The following GRID1 variants were observed in gnomAD, a reference collection of about 807,000 sequenced individuals.
The protein encoded by GRID1 is glutamate ionotropic receptor delta type subunit 1.
Under a neutral mutation model 98.0 loss-of-function variants are expected in GRID1, and 28 were observed. That is an observed-to-expected ratio of 0.29 (90% confidence interval 0.21 to 0.39). The LOEUF is 0.39. Among genes scored for constraint, GRID1 ranks in the 10% least tolerant of loss-of-function variants. The pLI is 1.00. For synonymous variants in GRID1, 553 were observed against 538.5 expected, an observed-to-expected ratio of 1.03 and a Z score of -0.37; for missense variants, 1,111 against 1,340.5, an observed-to-expected ratio of 0.83 and a Z score of 2.67.
intron 4 of GRID1, among the ~76,000 whole-genome samples, chr10:86,057,087 G>A (rs564968184): frequency 5.9e-5 from 9 of 152,284 alleles, no homozygotes; most frequent in South Asian, 2.1e-4. Context: ...CCTGGCCCTC[G>A]AGAACCCTCC....
chr10:86,283,059 C>G (rs1847378293), intron 2 of GRID1, among the ~76,000 whole-genome samples: 1 of 152,184 alleles, frequency 6.6e-6, no homozygotes, highest in African/African-American at 2.4e-5. Context: ...CTCTAAGACA[C>G]CAGCCCCCTA....
chr10:85,821,896 A>G (rs966898637), intron 8 of GRID1, among the ~76,000 whole-genome samples: 3 of 152,180 alleles, frequency 2.0e-5, no homozygotes, highest in Non-Finnish European at 2.9e-5. Flanking sequence ...ATCTACAACC[A>G]TCTGATCTTT....
intron 5 of GRID1, among the ~76,000 whole-genome samples, chr10:85,904,595 T>A (rs1187364790): frequency 2.0e-5 from 3 of 152,096 alleles, no homozygotes; most frequent in Admixed American, 1.3e-4. Flanking sequence ...AATTAGCAGA[T>A]AATTACCCTA....
intron 6 of GRID1, among the ~76,000 whole-genome samples, chr10:85,858,573 C>G (rs1345158619): frequency 6.6e-6 from 1 of 152,220 alleles, no homozygotes; most frequent in African/African-American, 2.4e-5. Context: ...CTCTGGAAAA[C>G]AAACCCATGA....
chr10:85,771,864 A>T (rs1229351659), intron 8 of GRID1, among the ~76,000 whole-genome samples: 3 of 152,214 alleles, frequency 2.0e-5, no homozygotes, highest in African/African-American at 7.2e-5. Flanking sequence ...CTCCCACACA[A>T]TAACAGTGGG....
intron 3 of GRID1, among the ~76,000 whole-genome samples, chr10:86,198,881 G>C (rs1845911350): frequency 6.6e-6 from 1 of 151,930 alleles, no homozygotes; most frequent in Non-Finnish European, 1.5e-5. Context: ...ATGGTTTGTT[G>C]TGATCATATA....
intron 4 of GRID1, among the ~76,000 whole-genome samples, chr10:85,937,252 C>A (rs920090408): frequency 9.9e-5 from 15 of 152,194 alleles, no homozygotes; most frequent in African/African-American, 3.4e-4. Flanking sequence ...ATAAAGATGG[C>A]CTGTGCAACA....
intron 8 of GRID1, among the ~76,000 whole-genome samples, chr10:85,756,671 G>T (rs1448272252): frequency 2.0e-5 from 3 of 152,114 alleles, no homozygotes; most frequent in African/African-American, 7.2e-5. Context: ...TTTATTTCTG[G>T]AATTTACCAT....
At chr10:85,945,985 T>G in intron 4 of GRID1, among the ~76,000 whole-genome samples, 1 of 152,220 alleles carries the variant, frequency 6.6e-6, no homozygotes, top group East Asian at 1.9e-4. Flanking sequence ...TGTTAAAACA[T>G]TGAAGGGACA....
chr10:85,930,893 G>A lies in GRID1; in HGVS notation c.727-14654C>T, dbSNP rs75918359. Among the ~76,000 whole-genome samples, 624 of 152,154 alleles carry A rather than the reference G, an allele frequency of 4.1e-3. 4 individuals carry two copies. The highest frequency in any genetic ancestry group is 0.013 in the African/African-American group (554 of 41,502). On this transcript the variant is annotated intron_variant, in intron 4 of 15. Transcript: ENST00000327946. The stretch of plus-strand genomic sequence containing the variant: ...GTCTCACTCTGTCATCCAGACTGGA[G>A]TGCAGTGGTGCGATCATGACTCACT...
At chr10:85,747,324 G>C (rs1331025399) in intron 8 of GRID1, among the ~76,000 whole-genome samples, 1 of 152,134 alleles carries the variant, frequency 6.6e-6, no homozygotes, top group African/African-American at 2.4e-5. Flanking sequence ...GAATAAAAGA[G>C]AAAAATGTTC....
At chr10:86,319,602 T>C (rs940210481) in intron 2 of GRID1, among the ~76,000 whole-genome samples, 9 of 150,410 alleles carry the variant, frequency 6.0e-5, no homozygotes, top group Admixed American at 6.0e-4. Context: ...AAAGCACCCA[T>C]CCCACCATGG....
chr10:85,726,929 G>A (rs1467966070), intron 10 of GRID1, among the ~76,000 whole-genome samples: 2 of 152,200 alleles, frequency 1.3e-5, no homozygotes, highest in African/African-American at 4.8e-5. Context: ...ATTTATCACA[G>A]TAAAGGTGTT....
intron 2 of GRID1, among the ~76,000 whole-genome samples, chr10:86,228,090 G>T (rs770486183): frequency 6.6e-6 from 1 of 151,700 alleles, no homozygotes; most frequent in African/African-American, 2.4e-5. Flanking sequence ...GGATGGATGT[G>T]AGGTGAGTGG....
intron 15 of GRID1, among the ~76,000 whole-genome samples, chr10:85,610,171 T>C (rs1842717057): frequency 6.6e-6 from 1 of 152,224 alleles, no homozygotes; most frequent in Non-Finnish European, 1.5e-5. Context: ...TTGCAAATGC[T>C]GCCCCATAAA....
chr10:85,688,842 T>C (rs1394270317), intron 12 of GRID1, among the ~76,000 whole-genome samples: 1 of 152,196 alleles, frequency 6.6e-6, no homozygotes, highest in East Asian at 1.9e-4. Context: ...CTTCAGCATT[T>C]GGTGGTAATT....
intron 8 of GRID1, among the ~76,000 whole-genome samples, chr10:85,801,078 ATAAT>A (rs1187978626): frequency 7.9e-5 from 12 of 152,098 alleles, no homozygotes; most frequent in African/African-American, 1.9e-4. Context: ...AAAAAGTGAC[ATAAT>A]TAACAACAGA....
chr10:85,998,423 T>C lies in GRID1; in HGVS notation c.727-82184A>G, dbSNP rs115348617. Among the ~76,000 whole-genome samples, 1,332 of 151,998 alleles carry C rather than the reference T, an allele frequency of 8.8e-3. 24 individuals are homozygous for C. Among genetic ancestry groups the C allele is most frequent in the African/African-American group, 0.03 (1,246 of 41,446 alleles). ...AAAAGTCTAAAGAAAAATTAGAAAA[T>C]ATTTTGAATTACATAAAGATGGAAA... is the stretch of plus-strand genomic sequence containing the variant. On this transcript the variant is annotated intron_variant, in intron 4 of 15. Coordinates refer to ENST00000327946, the MANE Select transcript of GRID1 (RefSeq NM_017551.3).
At chr10:86,282,634 G>GT (rs1372743992) in intron 2 of GRID1, among the ~76,000 whole-genome samples, 4 of 152,150 alleles carry the variant, frequency 2.6e-5, no homozygotes, top group Admixed American at 2.6e-4. Flanking sequence ...GTACCCAAGG[G>GT]TGGGCACGGA....
Sources: allele counts gnomAD v4.1 joint callset (sites outside exome capture counted in the v4.1 genomes callset), GRCh38; gene constraint gnomAD v4.1.1; transcripts MANE v1.5; gene names NCBI Gene and HGNC (gene_info 2026-07-23, HGNC 2026-07-21).